The following EYS variants were observed in gnomAD, a reference collection of about 807,000 sequenced individuals.
The protein encoded by EYS is EGF-like photoreceptor maintenance factor, also known as protein eyes shut homolog.
In EYS, 250 loss-of-function variants were observed where a neutral mutation model predicts 282.1. The observed-to-expected ratio is 0.89, with a 90% CI of 0.80 to 0.98. EYS has a LOEUF of 0.98. Ranked by LOEUF, EYS falls within the 50% of genes least tolerant of loss-of-function variation. The pLI is 0.00. For synonymous variants in EYS, 1,355 were observed against 1,282.9 expected, an observed-to-expected ratio of 1.06 and a Z score of -1.20; for missense variants, 4,016 against 3,709.0, an observed-to-expected ratio of 1.08 and a Z score of -2.15.
intron 22 of EYS, among the ~76,000 whole-genome samples, chr6:64,633,170 A>T (rs1767850474): frequency 6.6e-6 from 1 of 152,194 alleles, no homozygotes; most frequent in African/African-American, 2.4e-5. Flanking sequence ...AATTATTGTA[A>T]CATAAACCAA....
intron 14 of EYS, among the ~76,000 whole-genome samples, chr6:64,951,707 CTT>C (rs1426218274): frequency 2.6e-5 from 4 of 151,556 alleles, no homozygotes; most frequent in African/African-American, 4.8e-5. Flanking sequence ...AATTTAATGA[CTT>C]AATATATTAT....
chr6:63,721,166 T>G lies in EYS; in HGVS notation c.8865A>C (p.Ser2955=). 1 of 1,551,610 alleles carries G rather than the reference T, an allele frequency of 6.4e-7. No individual in the cohort carries two copies. The highest frequency in any genetic ancestry group is 1.4e-5 in the African/African-American group (1 of 73,168). The change falls in exon 43 of 43, where the codon TCA becomes TCC. Residue 2955 remains serine, a synonymous_variant. Coordinates refer to ENST00000503581, the MANE Select transcript of EYS (RefSeq NM_001142800.2). ...GRYCENKTSF[S]TAKFMGNSYI... Reference sequence around the variant, plus strand: ...AAGAATTACCCATAAATTTTGCAGTTGAAAATGAAGTTTTGTTTTCACAAT... The same window carrying G: ...AAGAATTACCCATAAATTTTGCAGTGGAAAATGAAGTTTTGTTTTCACAAT...
At chr6:64,909,302 A>G (rs934329729) in intron 16 of EYS, among the ~76,000 whole-genome samples, 4 of 152,184 alleles carry the variant, frequency 2.6e-5, no homozygotes, top group African/African-American at 9.7e-5. Flanking sequence ...ATAGAGGCAA[A>G]AAAAGTTGGT....
At chr6:65,643,563 C>A (rs552950927) in intron 1 of EYS, among the ~76,000 whole-genome samples, 1 of 152,308 alleles carries the variant, frequency 6.6e-6, no homozygotes, top group African/African-American at 2.4e-5. Flanking sequence ...TGCATCCTCC[C>A]TATAGTACCA....
rs148115512 is a variant in EYS at position 65,370,835 on chromosome 6, C to A, written c.1299+13551G>T. 7.5e-3 allele frequency among the ~76,000 whole-genome samples: 1,138 copies of A among 152,046 alleles called. 24 individuals carry two copies. The highest frequency in any genetic ancestry group is 0.026 in the African/African-American group (1,087 of 41,566). On this transcript the variant is annotated intron_variant, in intron 8 of 42. Transcript: ENST00000503581. Reference sequence around the variant, plus strand: ...CATTTGGCATAATTTGCCTTTAGGGCAATTTTTCTGCCTTCCCTGGAAGAA... The same window carrying A: ...CATTTGGCATAATTTGCCTTTAGGGAAATTTTTCTGCCTTCCCTGGAAGAA...
At chr6:65,201,067 G>A (rs1562019067) in intron 12 of EYS, among the ~76,000 whole-genome samples, 1 of 151,952 alleles carries the variant, frequency 6.6e-6, no homozygotes, top group Non-Finnish European at 1.5e-5. Context: ...ATAAAAATTA[G>A]TTATAACTAT....
intron 13 of EYS, among the ~76,000 whole-genome samples, chr6:65,033,727 C>G (rs1167749746): frequency 1.3e-5 from 2 of 152,146 alleles, no homozygotes; most frequent in African/African-American, 4.8e-5. Flanking sequence ...AGGGGCAGAA[C>G]CCTCACAGAG....
chr6:64,233,420 A>T (rs1462833684), intron 30 of EYS, among the ~76,000 whole-genome samples: 1 of 152,200 alleles, frequency 6.6e-6, no homozygotes. Flanking sequence ...TTATATATTT[A>T]AAAAGGAAAA....
intron 22 of EYS, among the ~76,000 whole-genome samples, chr6:64,684,885 G>GTT (rs1770035315): frequency 2.0e-5 from 3 of 151,882 alleles, no homozygotes; most frequent in Non-Finnish European, 4.4e-5. Context: ...ATCAATACCA[G>GTT]ATGGGATAAA....
At chr6:65,094,965 C>G (rs1026955937) in intron 12 of EYS, among the ~76,000 whole-genome samples, 2 of 150,882 alleles carry the variant, frequency 1.3e-5, no homozygotes, top group African/African-American at 2.4e-5. Context: ...GGTACATGAA[C>G]TAAGAAGAGA....
At chr6:65,054,115 A>G in intron 13 of EYS, among the ~76,000 whole-genome samples, 1 of 152,010 alleles carries the variant, frequency 6.6e-6, no homozygotes, top group Middle Eastern at 3.2e-3. Flanking sequence ...ATTCATAACA[A>G]TAAAAAATTC....
chr6:65,061,705 G>T (rs1773579471), intron 12 of EYS, among the ~76,000 whole-genome samples: 1 of 151,588 alleles, frequency 6.6e-6, no homozygotes, highest in Non-Finnish European at 1.5e-5. Context: ...TTGTTTAACT[G>T]AATTTTAATC....
chr6:63,736,060 A>G (rs1270404806), intron 41 of EYS, among the ~76,000 whole-genome samples: 2 of 152,106 alleles, frequency 1.3e-5, no homozygotes, highest in African/African-American at 4.8e-5. Context: ...CAATATTTGG[A>G]TTTGCCAGGT....
chr6:64,858,830 T>G (rs1056041241), intron 19 of EYS, among the ~76,000 whole-genome samples: 1 of 152,162 alleles, frequency 6.6e-6, no homozygotes, highest in African/African-American at 2.4e-5. Flanking sequence ...ATAAAGGGAA[T>G]GTACCTCAAC....
In EYS at chr6:64,162,628, C is replaced by T. The variant is rs140212353; in HGVS notation, c.6424+67964G>A. Among the ~76,000 whole-genome samples, 594 of 152,234 alleles carry T rather than the reference C, an allele frequency of 3.9e-3. 3 individuals are homozygous for T. Among genetic ancestry groups the T allele is most frequent in the African/African-American group, 0.013 (557 of 41,552 alleles). On this transcript the variant is annotated intron_variant, in intron 31 of 42. Coordinates refer to ENST00000503581, the MANE Select transcript of EYS (RefSeq NM_001142800.2). ...GAACCCAAATCCTTCTCAACCCAAT[C>T]AGAGGAAGGAAAGCAGCAGAGGCTT... is the stretch of plus-strand genomic sequence containing the variant.
Position 65,495,084 on chromosome 6 carries a change from T to A in EYS, c.327A>T (p.Thr109=). 1 of 1,614,220 alleles carries A rather than the reference T, an allele frequency of 6.2e-7. No homozygotes were observed. Among genetic ancestry groups the A allele is most frequent in the Non-Finnish European group, 8.5e-7 (1 of 1,180,030 alleles). Residue 109 remains threonine (T), a synonymous_variant, in exon 4 of 43, where the codon ACA becomes ACT. Coordinates refer to ENST00000503581, the MANE Select transcript of EYS (RefSeq NM_001142800.2). Reference sequence around the variant, plus strand: ...TATTTTGCACACAGCCAACGAAAGATGTTTCAGAAACATTCATCAAATTTA... The same window carrying A: ...TATTTTGCACACAGCCAACGAAAGAAGTTTCAGAAACATTCATCAAATTTA... ...PEINLMNVSE[T]SFVGCVQNTT...
chr6:64,233,119 T>C (rs1766477823), intron 30 of EYS, among the ~76,000 whole-genome samples: 2 of 152,204 alleles, frequency 1.3e-5, no homozygotes, highest in Non-Finnish European at 2.9e-5. Context: ...TCTCCTGCTG[T>C]AGCTGCTCAG....
chr6:64,470,256 G>A (rs1002686524), intron 26 of EYS, among the ~76,000 whole-genome samples: 1 of 152,110 alleles, frequency 6.6e-6, no homozygotes, highest in Non-Finnish European at 1.5e-5. Context: ...CATGGACCCT[G>A]TGGGGCTGGA....
intron 28 of EYS, among the ~76,000 whole-genome samples, chr6:64,424,137 A>C (rs1774324699): frequency 6.6e-6 from 1 of 152,194 alleles, no homozygotes; most frequent in African/African-American, 2.4e-5. Context: ...TTGACTCAAA[A>C]GTTGAGTTAA....
Sources: gnomAD v4.1 joint callset for allele counts (sites outside exome capture counted in the v4.1 genomes callset) on GRCh38, gnomAD v4.1.1 for gene constraint, MANE v1.5 for transcripts, NCBI Gene and HGNC (gene_info 2026-07-23, HGNC 2026-07-21) for gene names.